Variants in SNRNP48 observed in about 807,000 individuals in gnomAD.
SNRNP48 encodes U11/U12 small nuclear ribonucleoprotein 48 kDa protein.
Under a neutral mutation model 47.0 loss-of-function variants are expected in SNRNP48, and 43 were observed. That is an observed-to-expected ratio of 0.92 (90% CI 0.72 to 1.18). The LOEUF is 1.18. SNRNP48 is among the 50% of genes most tolerant of loss of function. The pLI is 0.00. For synonymous variants in SNRNP48, 138 were observed against 144.0 expected (o/e 0.96, Z 0.30); for missense variants, 396 against 422.2 (o/e 0.94, Z 0.54).
chr6:7,608,743 T>G (rs1760178012), intron 8 of SNRNP48, 82 bp from the exon 9 acceptor site: 2 of 732,762 alleles, frequency 2.7e-6, no homozygotes, highest in South Asian at 5.3e-5. Context: ...GAAAGTGGTG[T>G]ATTACTGTTG....
chr6:7,599,238 T>C (rs893054706), intron 4 of SNRNP48, among the ~76,000 whole-genome samples: 1 of 152,186 alleles, frequency 6.6e-6, no homozygotes, highest in Non-Finnish European at 1.5e-5. Flanking sequence ...TTGAATGTTA[T>C]ATGTTTAAGA....
intron 4 of SNRNP48, among the ~76,000 whole-genome samples, chr6:7,598,625 A>G (rs1221418171): frequency 1.3e-5 from 2 of 152,192 alleles, no homozygotes; most frequent in Non-Finnish European, 2.9e-5. Context: ...CTTTCTTTAA[A>G]TATCTTATTG....
chr6:7,606,161 G>T lies in SNRNP48; in HGVS notation c.937G>T (p.Asp313Tyr), dbSNP rs144092816. The stretch of plus-strand genomic sequence containing the variant: ...TAAAAGAAAAAGAAACAAAGATAAG[G>T]ATAAAAACTGTGAGTCGAGAAGAAG... Reference protein sequence around the residue: ...PHKRKRNKDKDKNCESRRRKE... With the variant: ...PHKRKRNKDKYKNCESRRRKE... Residue 313 changes from aspartate (D) to tyrosine (Y), a missense_variant, in exon 8 of 9, where the codon GAT (aspartate) becomes TAT (tyrosine). Coordinates refer to ENST00000342415, the MANE Select transcript of SNRNP48 (RefSeq NM_152551.4). 2.5e-4 allele frequency: 407 copies of T among 1,612,910 alleles called. No individual in the cohort carries two copies. The highest frequency in any genetic ancestry group is 3.4e-4 in the Non-Finnish European group (403 of 1,179,632).
At chr6:7,594,035 T>C in intron 2 of SNRNP48, 64 bp from the exon 3 acceptor site, 3 of 1,087,632 alleles carry the variant, frequency 2.8e-6, no homozygotes, top group Admixed American at 3.0e-5. Context: ...ATCTATTGTT[T>C]AGGTCAAGTC....
intron 4 of SNRNP48, chr6:7,599,609 CT>C: frequency 1.0e-6 from 1 of 976,748 alleles, no homozygotes; most frequent in South Asian, 1.5e-5. Flanking sequence ...TCAGAAATAT[CT>C]ATGTTCCGAA....
chr6:7,608,205 T>G (rs1049441128), intron 8 of SNRNP48, among the ~76,000 whole-genome samples: 1 of 152,150 alleles, frequency 6.6e-6, no homozygotes, highest in African/African-American at 2.4e-5. Flanking sequence ...AGTAAAACAT[T>G]CATTTCGAAT....
At position 7,590,240 on chromosome 6, in the gene SNRNP48, G is replaced by T. The variant is rs765562625; in HGVS notation, c.-18G>T. ...GTCTGCAGTTCGGCCGCTTCCTCTT[G>T]GCGGGTGGGCTGCAGCTATGGAGGG... is the stretch of plus-strand genomic sequence containing the variant. On this transcript the variant is annotated 5_prime_UTR_variant, in exon 1 of 9. Coordinates refer to ENST00000342415, the MANE Select transcript of SNRNP48 (RefSeq NM_152551.4). The T allele has an allele frequency of 1.3e-5, 17 of 1,298,804 alleles. No individual in the cohort carries two copies. In the South Asian group the frequency reaches 2.3e-4, roughly 17 times the overall value. The allele number at this position is 1,298,804 out of a possible 1,614,324, so 80.5% of individuals were successfully genotyped here. A position where few individuals can be genotyped will look rare whatever the true frequency, so the allele number is the denominator to read the frequency against.
intron 5 of SNRNP48, 24 bp from the exon 6 acceptor site, chr6:7,602,599 A>T (rs1163522791): frequency 6.5e-7 from 1 of 1,531,154 alleles, no homozygotes; most frequent in Non-Finnish European, 8.8e-7. Context: ...AGGATATAAT[A>T]CTTTTATTTT....
Position 7,590,363 on chromosome 6 carries a change from C to T in SNRNP48, c.106C>T (p.Leu36=). ...GACGTTGGAGGAGGTGACCGCGTCC[C>T]TGGGCTGGGACCTAGATAGTCTGGA... ...CRTLEEVTAS[L]GWDLDSLDPG... The change falls in exon 1 of 9, where the codon CTG becomes TTG. Residue 36 remains leucine, a synonymous_variant. Transcript: ENST00000342415. 2 of 1,380,982 alleles carry T rather than the reference C, an allele frequency of 1.4e-6. No individual in the cohort carries two copies. The highest frequency in any genetic ancestry group is 1.9e-6 in the Non-Finnish European group (2 of 1,054,234). 85.5% of individuals were successfully genotyped at this position (1,380,982 alleles called of 1,614,324 possible). A position where few individuals can be genotyped will look rare whatever the true frequency, so the allele number is the denominator to read the frequency against.
rs772802593 is a variant in SNRNP48 at position 7,608,848 on chromosome 6, ATAAAAG to A, written c.996_1001del (p.His332_Arg334delinsGln). ...AGGGATGGGGAAAGACACCATAGTC[ATAAAAG>A]AAGAAAGCAAAAAATATAAATGAAG... On this transcript the variant is annotated inframe_deletion, in exon 9 of 9. Transcript: ENST00000342415. 3.3e-6 allele frequency: 5 copies of A among 1,525,464 alleles called. No individual in the cohort carries two copies. Among genetic ancestry groups the A allele is most frequent in the Non-Finnish European group, 3.6e-6 (4 of 1,120,746 alleles). 94.5% of individuals were successfully genotyped at this position (1,525,464 alleles called of 1,614,324 possible).
intron 8 of SNRNP48, 77 bp downstream of exon 8, chr6:7,606,272 A>G: frequency 7.4e-7 from 1 of 1,359,578 alleles, no homozygotes; most frequent in Admixed American, 2.9e-5. Flanking sequence ...GTTGTAGACC[A>G]TGCTGAGAAA....
At position 7,610,264 on chromosome 6, in the gene SNRNP48, A is replaced by C. The variant is rs1760208152; in HGVS notation, c.*1391A>C. ...ATAAGTAGCTGACAGTGACAGAAAG[A>C]TTGGATTTGGATCAGATTGGCTGTT... is the stretch of plus-strand genomic sequence containing the variant. On this transcript the variant is annotated 3_prime_UTR_variant, in exon 9 of 9. Coordinates refer to ENST00000342415, the MANE Select transcript of SNRNP48 (RefSeq NM_152551.4). 1 of 152,260 alleles carries C rather than the reference A, an allele frequency of 6.6e-6. No individual in the cohort carries two copies. Among genetic ancestry groups the C allele is most frequent in the South Asian group, 2.1e-4 (1 of 4,836 alleles). The allele number at this position is 152,260 out of a possible 1,614,324, so 9.4% of individuals were successfully genotyped here. A position where few individuals can be genotyped will look rare whatever the true frequency, so the allele number is the denominator to read the frequency against.
At chr6:7,590,554 A>T in intron 1 of SNRNP48, 141 bp downstream of exon 1, 1 of 1,026,064 alleles carries the variant, frequency 9.7e-7, no homozygotes, top group Non-Finnish European at 1.3e-6. Flanking sequence ...GGCGCCTGGG[A>T]CCCGAGGGGC....
At chr6:7,597,865 CT>C (rs148304945) in intron 4 of SNRNP48, among the ~76,000 whole-genome samples, 26,250 of 123,212 alleles carry the variant, frequency 0.21, 1,934 homozygotes, top group African/African-American at 0.32. Flanking sequence ...TAACCGTAAC[CT>C]TTTTTTTTTT....
intron 1 of SNRNP48, among the ~76,000 whole-genome samples, chr6:7,590,823 C>T (rs1581831518): frequency 6.6e-6 from 1 of 152,046 alleles, no homozygotes. Flanking sequence ...ACCAAAAGTA[C>T]AAAAATTAGC....
intron 4 of SNRNP48, chr6:7,599,867 TAAAG>T: frequency 9.6e-7 from 1 of 1,042,984 alleles, no homozygotes; most frequent in Non-Finnish European, 1.2e-6. Flanking sequence ...GTCTTCATCA[TAAAG>T]AAATTTAAGA....
Position 7,609,429 on chromosome 6 carries a change from C to T in SNRNP48, c.*556C>T, listed in dbSNP as rs1181198789. On this transcript the variant is annotated 3_prime_UTR_variant, in exon 9 of 9. Coordinates refer to ENST00000342415, the MANE Select transcript of SNRNP48 (RefSeq NM_152551.4). ...AAGAAATAATCTAGATCCATATTAA[C>T]CTGGATTGGTCTCAAAAACATAATG... The T allele has an allele frequency of 6.6e-6, 1 of 152,108 alleles. No homozygotes were observed. Among genetic ancestry groups the T allele is most frequent in the Non-Finnish European group, 1.5e-5 (1 of 68,002 alleles). The allele number at this position is 152,108 out of a possible 1,614,324, so 9.4% of individuals were successfully genotyped here.
rs1387101342 is a variant in SNRNP48, at chr6:7,608,969, A to G, written c.*96A>G. On this transcript the variant is annotated 3_prime_UTR_variant, in exon 9 of 9. Transcript: ENST00000342415. ...TTCCTTTGCATAGGAGAATGTTTTT[A>G]TGATCTGTTTAGTGCTTATTATTTT... The G allele has an allele frequency of 6.1e-6, 4 of 659,128 alleles. No individual in the cohort carries two copies. Among genetic ancestry groups the G allele is most frequent in the Non-Finnish European group, 9.5e-6 (4 of 421,670 alleles). The allele number at this position is 659,128 out of a possible 1,614,324, so 40.8% of individuals were successfully genotyped here.
rs1286517403 is a variant in SNRNP48, at chr6:7,608,889, C to T, written c.*16C>T. The T allele has an allele frequency of 1.4e-6, 2 of 1,396,018 alleles. No homozygotes were observed. Among genetic ancestry groups the T allele is most frequent in the Non-Finnish European group, 2.0e-6 (2 of 1,018,426 alleles). 86.5% of individuals were successfully genotyped at this position (1,396,018 alleles called of 1,614,324 possible). On this transcript the variant is annotated 3_prime_UTR_variant, in exon 9 of 9. Transcript: ENST00000342415. The stretch of plus-strand genomic sequence containing the variant: ...AAAAATATAAATGAAGTACTTGTAC[C>T]TATATTAATTATGCTTACGCCATGA...
Sources: gnomAD v4.1 joint callset for allele counts (sites outside exome capture counted in the v4.1 genomes callset) on GRCh38, gnomAD v4.1.1 for gene constraint, MANE v1.5 for transcripts, NCBI Gene and HGNC (gene_info 2026-07-23, HGNC 2026-07-21) for gene names.